The following SLC6A15 variants were observed in gnomAD, a reference collection of about 807,000 sequenced individuals.
SLC6A15 encodes sodium-dependent neutral amino acid transporter B(0)AT2.
In SLC6A15, 33 loss-of-function variants were observed where a neutral mutation model predicts 68.5. The observed-to-expected ratio is 0.48, with a 90% CI of 0.37 to 0.64. SLC6A15 has a LOEUF of 0.64. SLC6A15 is among the 30% of genes least tolerant of loss of function. SLC6A15 has a pLI of 0.00. For synonymous variants in SLC6A15, 347 were observed against 301.0 expected, an observed-to-expected ratio of 1.15 and a Z score of -1.58; for missense variants, 747 against 874.3, an observed-to-expected ratio of 0.85 and a Z score of 1.84.
At chr12:84,896,407 C>T (rs1399137841) in intron 1 of SLC6A15, among the ~76,000 whole-genome samples, 1 of 152,078 alleles carries the variant, frequency 6.6e-6, no homozygotes, top group East Asian at 1.9e-4. Context: ...CGTATCCATG[C>T]CCGTAGATTT....
Position 84,861,587 on chromosome 12 carries a change from A to G in SLC6A15, c.*45T>C, listed in dbSNP as rs932255142. On this transcript the variant is annotated 3_prime_UTR_variant, in exon 12 of 12. Coordinates refer to ENST00000266682, the MANE Select transcript of SLC6A15 (RefSeq NM_182767.6). ...GCTTCTCCTACTAGGGCCAATGTTCATTGGTAAAAATGAACCAAATAAAAC... is the reference window on the plus strand; with the variant it reads ...GCTTCTCCTACTAGGGCCAATGTTCGTTGGTAAAAATGAACCAAATAAAAC... 10 of 1,545,546 alleles carry G rather than the reference A, an allele frequency of 6.5e-6. No individual in the cohort carries two copies. Among genetic ancestry groups the G allele is most frequent in the Non-Finnish European group, 7.9e-6 (9 of 1,145,074 alleles).
intron 2 of SLC6A15, among the ~76,000 whole-genome samples, chr12:84,887,241 A>G (rs779610807): frequency 6.6e-6 from 1 of 152,244 alleles, no homozygotes; most frequent in Non-Finnish European, 1.5e-5. Context: ...GCCTTTTATT[A>G]TACATTTCCT....
At chr12:84,886,964 A>G (rs1401867414) in intron 2 of SLC6A15, among the ~76,000 whole-genome samples, 2 of 147,686 alleles carry the variant, frequency 1.4e-5, no homozygotes, top group African/African-American at 5.4e-5. Context: ...CCTTTTGGAG[A>G]CAGGCTCTCA....
rs751082623 is a variant in SLC6A15 at position 84,892,140 on chromosome 12, T to TAAA, written c.-21_-20insTTT. On this transcript the variant is annotated 5_prime_UTR_variant, in exon 2 of 12. Coordinates refer to ENST00000266682, the MANE Select transcript of SLC6A15 (RefSeq NM_182767.6). ...GGGCATTGGAGAGTATGCGAAGTATTTAAAAAAAAAAAAAAAAACTCCCTT... is the reference window on the plus strand; with the variant it reads ...GGGCATTGGAGAGTATGCGAAGTATTAAATAAAAAAAAAAAAAAAAACTCCCTT... 1.4e-6 allele frequency: 2 copies of TAAA among 1,399,428 alleles called. No homozygotes were observed. Among genetic ancestry groups the TAAA allele is most frequent in the Non-Finnish European group, 9.3e-7 (1 of 1,075,294 alleles). 86.7% of individuals were successfully genotyped at this position (1,399,428 alleles called of 1,614,324 possible). A position where few individuals can be genotyped will look rare whatever the true frequency, so the allele number is the denominator to read the frequency against.
intron 1 of SLC6A15, among the ~76,000 whole-genome samples, chr12:84,893,040 C>T (rs1554708): frequency 0.041 from 6,267 of 152,232 alleles, 402 homozygotes; most frequent in African/African-American, 0.14. Context: ...AGGGATCCCG[C>T]CTTGGCCTCC....
At chr12:84,911,639 G>C (rs188734693) in intron 1 of SLC6A15, among the ~76,000 whole-genome samples, 6 of 152,266 alleles carry the variant, frequency 3.9e-5, no homozygotes, top group Admixed American at 3.3e-4. Flanking sequence ...CGAACGCCTC[G>C]GGCGTCTTGA....
At chr12:84,889,944 C>G (rs1351133607) in intron 2 of SLC6A15, among the ~76,000 whole-genome samples, 2 of 152,098 alleles carry the variant, frequency 1.3e-5, no homozygotes, top group East Asian at 3.9e-4. Context: ...TATATTGACT[C>G]TATTACCTTT....
In SLC6A15 at chr12:84,886,081, C is replaced by G. The variant is rs79889862; in HGVS notation, c.290-13G>C. The G allele has an allele frequency of 8.5e-3, 13,041 of 1,534,592 alleles. 725 individuals are homozygous for G. In the African/African-American group the frequency reaches 0.14, roughly 16 times the overall value. On this transcript the variant is annotated splice_polypyrimidine_tract_variant and intron_variant, in intron 2 of 11. Transcript: ENST00000266682. ...AAAAGATATGCACCTAAAGAAACAACAACAAAAAATAGATTATATTTTCAA... is the reference window on the plus strand; with the variant it reads ...AAAAGATATGCACCTAAAGAAACAAGAACAAAAAATAGATTATATTTTCAA...
At chr12:84,896,101 C>T (rs1416402966) in intron 1 of SLC6A15, among the ~76,000 whole-genome samples, 2 of 152,188 alleles carry the variant, frequency 1.3e-5, no homozygotes, top group African/African-American at 4.8e-5. Flanking sequence ...AACTTAGCAG[C>T]ATCCATTCTT....
At chr12:84,881,882 C>A in intron 5 of SLC6A15, 2 of 985,352 alleles carry the variant, frequency 2.0e-6, no homozygotes, top group Non-Finnish European at 2.4e-6. Flanking sequence ...CACATCTTTG[C>A]TCACATTACC....
chr12:84,866,933 C>A, intron 10 of SLC6A15, 101 bp downstream of exon 10: 1 of 1,044,812 alleles, frequency 9.6e-7, no homozygotes, highest in Non-Finnish European at 1.3e-6. Context: ...AGAATTGTTC[C>A]CTCTATTCAT....
chr12:84,891,759 C>T, intron 2 of SLC6A15, 73 bp downstream of exon 2: 1 of 1,378,462 alleles, frequency 7.3e-7, no homozygotes, highest in Non-Finnish European at 9.9e-7. Flanking sequence ...TGAGAAACAG[C>T]AATAATAGGA....
chr12:84,867,990 G>T (rs1871131279), intron 9 of SLC6A15, among the ~76,000 whole-genome samples: 1 of 152,126 alleles, frequency 6.6e-6, no homozygotes, highest in African/African-American at 2.4e-5. Flanking sequence ...AGCCTCCAAA[G>T]GTAAAAGATG....
At chr12:84,879,381 C>A (rs141237859) in intron 5 of SLC6A15, among the ~76,000 whole-genome samples, 166 of 151,596 alleles carry the variant, frequency 1.1e-3, no homozygotes, top group African/African-American at 3.8e-3. Flanking sequence ...GGTGGAGTGC[C>A]GTGGTGCAAT....
In SLC6A15 at chr12:84,907,076, G is replaced by A. The variant is rs543450325; in HGVS notation, c.-189+5447C>T. On this transcript the variant is annotated intron_variant, in intron 1 of 11. Transcript: ENST00000266682. ...TCTTAAAACTCGACCGTTGCCAGGC[G>A]CGGTGGCTCACGCCTGTAATCCCAG... Among the ~76,000 whole-genome samples, 103 of 152,172 alleles carry A rather than the reference G, an allele frequency of 6.8e-4. No individual in the cohort carries two copies. In the South Asian group the frequency reaches 0.021, roughly 31 times the overall value.
At chr12:84,862,957 T>C (rs1025303417) in intron 11 of SLC6A15, among the ~76,000 whole-genome samples, 3 of 152,052 alleles carry the variant, frequency 2.0e-5, no homozygotes, top group Non-Finnish European at 4.4e-5. Flanking sequence ...GCCCAGCTAA[T>C]TTTTTTCATC....
At chr12:84,882,338 T>G in intron 5 of SLC6A15, 1 of 984,948 alleles carries the variant, frequency 1.0e-6, no homozygotes, top group East Asian at 1.1e-4. Flanking sequence ...AATTGAACAA[T>G]TCGAAGTTAT....
In SLC6A15 at chr12:84,897,873, G is replaced by T. The variant is rs373146590; in HGVS notation, c.-188-5565C>A. On this transcript the variant is annotated intron_variant, in intron 1 of 11. Transcript: ENST00000266682. ...TAAAGAGGAGCCATGTTGAAGAATA[G>T]AAGTGAACATTAATTTAAACAAGGA... is the stretch of plus-strand genomic sequence containing the variant. 1.6e-4 allele frequency among the ~76,000 whole-genome samples: 24 copies of T among 152,206 alleles called. 1 individual carries two copies. The East Asian group carries it at 3.3e-3, about 21-fold the overall frequency.
chr12:84,885,890 C>A, intron 3 of SLC6A15, 21 bp downstream of exon 3: 1 of 1,591,504 alleles, frequency 6.3e-7, no homozygotes. Context: ...TTACAGCATA[C>A]ACCAACAAAA....
Sources: allele counts gnomAD v4.1 joint callset (sites outside exome capture counted in the v4.1 genomes callset), GRCh38; gene constraint gnomAD v4.1.1; transcripts MANE v1.5; gene names NCBI Gene and HGNC (gene_info 2026-07-23, HGNC 2026-07-21).